Variants in MED12L observed in about 807,000 individuals in gnomAD.
MED12L encodes the protein mediator of RNA polymerase II transcription subunit 12-like protein.
A neutral mutation model predicts 281.3 loss-of-function variants in MED12L; 60 were observed. The ratio of observed to expected loss-of-function variants is 0.21; its 90% CI spans 0.17 to 0.26. The LOEUF (loss-of-function observed/expected upper bound fraction) is 0.26, where lower values mean the gene tolerates loss of function less well. Among genes scored for constraint, MED12L ranks in the 10% least tolerant of loss-of-function variants. The pLI is 1.00. For missense variants in MED12L, 2,146 were observed against 2,680.9 expected (o/e 0.80, Z 4.41); for synonymous variants, 974 against 987.2 (o/e 0.99, Z 0.25).
chr3:151,267,142 T>G (rs1462224498), intron 16 of MED12L, among the ~76,000 whole-genome samples: 1 of 152,206 alleles, frequency 6.6e-6, no homozygotes, highest in Non-Finnish European at 1.5e-5. Context: ...TTTTGACTGT[T>G]TACAGGAACT....
chr3:151,332,459 C>G (rs1750454667), intron 16 of MED12L, among the ~76,000 whole-genome samples: 1 of 152,070 alleles, frequency 6.6e-6, no homozygotes, highest in South Asian at 2.1e-4. Context: ...TAATAATAAG[C>G]TGAAATAAGT....
chr3:151,398,502 A>G (rs565758817), intron 39 of MED12L, among the ~76,000 whole-genome samples: 2 of 152,348 alleles, frequency 1.3e-5, no homozygotes, highest in Non-Finnish European at 2.9e-5. Context: ...ATATTTCCTC[A>G]GGAATGTGTT....
intron 5 of MED12L, among the ~76,000 whole-genome samples, chr3:151,148,976 CT>C (rs1256968551): frequency 6.6e-6 from 1 of 152,138 alleles, no homozygotes; most frequent in Non-Finnish European, 1.5e-5. Flanking sequence ...GGCCTTTTCC[CT>C]GTTGTCATGT....
intron 16 of MED12L, among the ~76,000 whole-genome samples, chr3:151,204,040 G>C (rs1335888542): frequency 6.6e-6 from 1 of 152,168 alleles, no homozygotes; most frequent in Admixed American, 6.5e-5. Context: ...AGAACTAACT[G>C]AATGTTTGAA....
chr3:151,286,709 C>T (rs866487684), intron 16 of MED12L, among the ~76,000 whole-genome samples: 1 of 152,146 alleles, frequency 6.6e-6, no homozygotes, highest in Non-Finnish European at 1.5e-5. Flanking sequence ...GTATTGTGAA[C>T]ATAGGGGCAT....
At chr3:151,120,803 C>A (rs984177947) in intron 3 of MED12L, among the ~76,000 whole-genome samples, 7 of 152,146 alleles carry the variant, frequency 4.6e-5, no homozygotes, top group Non-Finnish European at 8.8e-5. Flanking sequence ...ATTGCTATTG[C>A]AATTAAATGT....
intron 11 of MED12L, among the ~76,000 whole-genome samples, chr3:151,184,335 T>C (rs1251885813): frequency 2.6e-5 from 4 of 152,238 alleles, no homozygotes; most frequent in Non-Finnish European, 5.9e-5. Context: ...CATGTATGTA[T>C]GTATGTTCTT....
chr3:151,179,118 C>A (rs1195938667), intron 11 of MED12L, among the ~76,000 whole-genome samples: 1 of 152,042 alleles, frequency 6.6e-6, no homozygotes, highest in Non-Finnish European at 1.5e-5. Context: ...GGTGAGCGGA[C>A]CACCTGAGGT....
At chr3:151,161,209 A>C (rs1341995557) in intron 8 of MED12L, among the ~76,000 whole-genome samples, 2 of 152,208 alleles carry the variant, frequency 1.3e-5, no homozygotes, top group Non-Finnish European at 1.5e-5. Context: ...CAAAGAAATC[A>C]GTTTGGAAGC....
chr3:151,122,906 C>G lies in MED12L; in HGVS notation c.328C>G (p.Gln110Glu). The G allele has an allele frequency of 6.2e-7, 1 of 1,612,876 alleles. No homozygotes were observed. The highest frequency in any genetic ancestry group is 2.2e-5 in the East Asian group (1 of 44,844). Residue 110 changes from glutamine to glutamate, a missense_variant, in exon 4 of 45, where the codon CAG becomes GAG. Physicochemically the swap from Gln to Glu is conservative, Grantham distance 29. Coordinates refer to ENST00000687756, the MANE Select transcript of MED12L (RefSeq NM_001393769.1). ...TTATTGGCTGGTTACTGCTCGATCC[C>G]AGAGTGCAATTCATAGTTGGTTTTC... ...DNYWLVTARS[Q>E]SAIHSWFSDL... is the part of the protein sequence containing the mutation.
chr3:151,430,181 CT>C, intron 43 of MED12L, 117 bp from the exon 44 acceptor site: 2 of 1,445,964 alleles, frequency 1.4e-6, no homozygotes, highest in Non-Finnish European at 1.9e-6. Flanking sequence ...TGTCATAGCC[CT>C]TTTTTCGTGA....
chr3:151,217,871 G>T (rs1341196383), intron 16 of MED12L, among the ~76,000 whole-genome samples: 1 of 152,068 alleles, frequency 6.6e-6, no homozygotes, highest in Non-Finnish European at 1.5e-5. Context: ...TTTTCTGTAG[G>T]GCAGATCAGA....
Position 151,198,809 on chromosome 3 carries a change from G to A in MED12L, c.2250+5143G>A, listed in dbSNP as rs2149135226. On this transcript the variant is annotated intron_variant, in intron 16 of 44. Coordinates refer to ENST00000687756, the MANE Select transcript of MED12L (RefSeq NM_001393769.1). Reference sequence around the variant, plus strand: ...AAGGCAATTGGATATTAAAATGATGGCTGAGAAATTTAAAAATATTGCTAC... The same window carrying A: ...AAGGCAATTGGATATTAAAATGATGACTGAGAAATTTAAAAATATTGCTAC... The A allele has an allele frequency of 1.2e-6, 2 of 1,613,124 alleles. No individual in the cohort carries two copies. The highest frequency in any genetic ancestry group is 1.3e-5 in the African/African-American group (1 of 75,016).
intron 43 of MED12L, among the ~76,000 whole-genome samples, chr3:151,422,125 C>T (rs1332373816): frequency 6.6e-6 from 1 of 152,102 alleles, no homozygotes; most frequent in Non-Finnish European, 1.5e-5. Flanking sequence ...ATAGAGCGTG[C>T]CAGTGAAACA....
chr3:151,104,567 G>A (rs1721776358), intron 2 of MED12L, among the ~76,000 whole-genome samples: 1 of 152,122 alleles, frequency 6.6e-6, no homozygotes, highest in South Asian at 2.1e-4. Flanking sequence ...GCTGCTAAAT[G>A]GCCTGGATCC....
intron 16 of MED12L, among the ~76,000 whole-genome samples, chr3:151,299,523 G>T (rs1745617298): frequency 6.7e-6 from 1 of 148,282 alleles, no homozygotes; most frequent in Non-Finnish European, 1.5e-5. Context: ...CTGTCACCCA[G>T]GCTGGAGTAC....
At chr3:151,213,352 A>G (rs1727505634) in intron 16 of MED12L, 1 of 1,612,966 alleles carries the variant, frequency 6.2e-7, no homozygotes. Context: ...GATTCTGGAA[A>G]TGTCTAGGTC....
chr3:151,368,685 ATT>A (rs869105325), intron 25 of MED12L, among the ~76,000 whole-genome samples: 3 of 41,372 alleles, frequency 7.3e-5, no homozygotes, highest in Non-Finnish European at 8.8e-5. Flanking sequence ...ATGTCATTTC[ATT>A]TTATTTCATT....
At chr3:151,247,217 G>T (rs1442686075) in intron 16 of MED12L, among the ~76,000 whole-genome samples, 1 of 152,002 alleles carries the variant, frequency 6.6e-6, no homozygotes, top group Non-Finnish European at 1.5e-5. Context: ...ATTCCTCAGG[G>T]ATCTAGAACT....
Sources: allele counts gnomAD v4.1 joint callset (sites outside exome capture counted in the v4.1 genomes callset), GRCh38; gene constraint gnomAD v4.1.1; transcripts MANE v1.5; gene names NCBI Gene and HGNC (gene_info 2026-07-23, HGNC 2026-07-21).